Variants in CTBP2 observed in about 807,000 individuals in gnomAD.
CTBP2 encodes the protein C-terminal binding protein 2.
In CTBP2, 30 loss-of-function variants were observed where a neutral mutation model predicts 80.3. That is an observed-to-expected ratio of 0.37 (90% CI 0.28 to 0.51). The LOEUF (loss-of-function observed/expected upper bound fraction) is 0.51, where lower values mean the gene tolerates loss of function less well. CTBP2 is among the 20% of genes least tolerant of loss of function. The probability of loss-of-function intolerance (pLI) is 0.93; values close to 1 mark genes in which losing one functional copy is unlikely to be tolerated. For missense variants in CTBP2, 1,212 were observed against 1,375.3 expected (o/e 0.88, Z 1.88); for synonymous variants, 594 against 587.4 (o/e 1.01, Z -0.16).
intron 3 of CTBP2, among the ~76,000 whole-genome samples, chr10:125,037,777 A>G (rs1959039892): frequency 6.6e-6 from 1 of 152,220 alleles, no homozygotes. Context: ...GAAATTGGAT[A>G]AAAGGTGCCA....
Position 125,118,728 on chromosome 10 carries a change from AG to A in CTBP2, c.-205-7636del, listed in dbSNP as rs1465378623. On this transcript the variant is annotated intron_variant, in intron 1 of 10. Coordinates refer to the CTBP2 transcript ENST00000337195. ...TGCAGTGGAGGCGCTGGGGGGTGGGAGGGGGGGATGGGGAACGCTTAAAATC... is the reference window on the plus strand; with the variant it reads ...TGCAGTGGAGGCGCTGGGGGGTGGGAGGGGGGATGGGGAACGCTTAAAATC... 3.3e-4 allele frequency among the ~76,000 whole-genome samples: 11 copies of A among 32,850 alleles called. No individual in the cohort carries two copies. The East Asian group carries it at 6.2e-3, about 19-fold the overall frequency. The allele number at this position is 32,850 out of a possible 152,430, so 21.6% of individuals were successfully genotyped here.
chr10:125,148,442 C>T lies in CTBP2; in HGVS notation c.-206+11877G>A, dbSNP rs1231126649. Among the ~76,000 whole-genome samples, 6 of 152,230 alleles carry T rather than the reference C, an allele frequency of 3.9e-5. 1 individual carries two copies. Among genetic ancestry groups the T allele is most frequent in the African/African-American group, 1.4e-4 (6 of 41,454 alleles). On this transcript the variant is annotated intron_variant, in intron 1 of 10. Coordinates refer to the CTBP2 transcript ENST00000337195. ...CAGGCTCTCCCTCCCACCTTGCCCGCTGCTCTAGAAAACAAAAGAGAATTA... is the reference window on the plus strand; with the variant it reads ...CAGGCTCTCCCTCCCACCTTGCCCGTTGCTCTAGAAAACAAAAGAGAATTA...
intron 2 of CTBP2, among the ~76,000 whole-genome samples, chr10:125,097,515 C>A (rs912555946): frequency 1.3e-5 from 2 of 152,172 alleles, no homozygotes; most frequent in African/African-American, 4.8e-5. Flanking sequence ...AGGAAGCCAG[C>A]GCAACCCCCG....
chr10:125,012,787 C>T (rs1376719447), intron 1 of CTBP2, among the ~76,000 whole-genome samples: 1 of 152,158 alleles, frequency 6.6e-6, no homozygotes, highest in Non-Finnish European at 1.5e-5. Flanking sequence ...ACCAAGTTGG[C>T]CAAGCAGGTC....
At chr10:125,000,362 T>C (rs1219359164) in intron 3 of CTBP2, 1 of 152,200 alleles carries the variant, frequency 6.6e-6, no homozygotes, top group African/African-American at 2.4e-5. Flanking sequence ...TGCCACACGA[T>C]GGGTGGCTCT....
rs28644246 is a variant in CTBP2, at chr10:125,043,732, G to A, written c.-101-4577C>T. ...ATTATAGGTGTAAGCAACCGTGCCC[G>A]GCCGACCCTCTCGATTTCTTGACTC... is the stretch of plus-strand genomic sequence containing the variant. On this transcript the variant is annotated intron_variant, in intron 2 of 10. Coordinates refer to the CTBP2 transcript ENST00000337195. 2.1e-3 allele frequency among the ~76,000 whole-genome samples: 325 copies of A among 151,824 alleles called. 2 individuals carry two copies. The highest frequency in any genetic ancestry group is 7.1e-3 in the African/African-American group (293 of 41,394).
chr10:125,144,764 T>A (rs999398341), intron 1 of CTBP2, among the ~76,000 whole-genome samples: 1 of 152,256 alleles, frequency 6.6e-6, no homozygotes, highest in Non-Finnish European at 1.5e-5. Context: ...GTGGCATCCA[T>A]CTTTGACTTG....
intron 6 of CTBP2, 102 bp downstream of exon 8, chr10:124,993,753 C>G: frequency 7.1e-7 from 1 of 1,398,616 alleles, no homozygotes; most frequent in East Asian, 2.3e-5. Flanking sequence ...AGTTTCCTGC[C>G]CAGGGACCTG....
intron 1 of CTBP2, among the ~76,000 whole-genome samples, chr10:125,024,672 T>C (rs890122102): frequency 4.6e-5 from 7 of 152,198 alleles, no homozygotes; most frequent in Admixed American, 4.6e-4. Flanking sequence ...TGTTTTCAGA[T>C]CCGCTTTGCA....
intron 1 of CTBP2, among the ~76,000 whole-genome samples, chr10:125,144,904 G>T (rs1442106116): frequency 6.6e-6 from 1 of 152,158 alleles, no homozygotes; most frequent in Non-Finnish European, 1.5e-5. Context: ...ACACACTGCT[G>T]CCCGGTCAAG....
chr10:125,162,408 T>TAACAATCCATCA (rs1861949893), upstream of CTBP2: 1 of 152,394 alleles, frequency 6.6e-6, no homozygotes, highest in South Asian at 2.1e-4. Flanking sequence ...GCTCCAGGCC[T>TAACAATCCATCA]CCCAGTCTTC....
chr10:125,048,886 T>C (rs1961937442), intron 2 of CTBP2, among the ~76,000 whole-genome samples: 1 of 152,156 alleles, frequency 6.6e-6, no homozygotes, highest in Admixed American at 6.5e-5. Flanking sequence ...CAGGATCAGT[T>C]TGCTGTGAGA....
intron 2 of CTBP2, among the ~76,000 whole-genome samples, chr10:125,054,082 C>T (rs1486978308): frequency 1.3e-5 from 2 of 152,208 alleles, no homozygotes; most frequent in East Asian, 3.9e-4. Flanking sequence ...TGAATCACTG[C>T]CCCTCCCCAG....
intron 1 of CTBP2, among the ~76,000 whole-genome samples, chr10:125,024,558 G>T (rs866609714): frequency 4.1e-4 from 63 of 152,200 alleles, no homozygotes; most frequent in African/African-American, 1.4e-3. Context: ...AATCTTACAG[G>T]TTCCTCCTTC....
intron 4 of CTBP2, among the ~76,000 whole-genome samples, chr10:124,995,421 G>A (rs905649034): frequency 1.3e-5 from 2 of 152,222 alleles, no homozygotes; most frequent in Non-Finnish European, 2.9e-5. Flanking sequence ...GCTTCCCAGA[G>A]CAGTTTTCAG....
intron 1 of CTBP2, among the ~76,000 whole-genome samples, chr10:125,012,908 A>T (rs1213863247): frequency 1.4e-5 from 2 of 146,770 alleles, no homozygotes; most frequent in Admixed American, 6.8e-5. Context: ...CCAAGGACAA[A>T]AAGGGGCTCC....
chr10:125,121,918 G>C (rs1267712640), intron 1 of CTBP2, among the ~76,000 whole-genome samples: 1 of 152,198 alleles, frequency 6.6e-6, no homozygotes, highest in Non-Finnish European at 1.5e-5. Context: ...CTCGATGCAG[G>C]TGACGCAGCC....
intron 1 of CTBP2, among the ~76,000 whole-genome samples, chr10:125,009,011 G>A (rs1955563854): frequency 6.6e-6 from 1 of 152,076 alleles, no homozygotes. Flanking sequence ...AAAGTTCTAA[G>A]TTGCTAGCCA....
At chr10:125,061,805 G>C (rs1000315064) in intron 2 of CTBP2, among the ~76,000 whole-genome samples, 6 of 152,156 alleles carry the variant, frequency 3.9e-5, no homozygotes, top group Admixed American at 3.9e-4. Context: ...CTTACTGAGA[G>C]GAGCAGCTGT....
Sources: allele counts gnomAD v4.1 joint callset (sites outside exome capture counted in the v4.1 genomes callset), GRCh38; gene constraint gnomAD v4.1.1; transcripts MANE v1.5; gene names NCBI Gene and HGNC (gene_info 2026-07-23, HGNC 2026-07-21).